The following NSG2 variants were observed in gnomAD, a reference collection of about 807,000 sequenced individuals.
NSG2 encodes the protein neuronal vesicle trafficking associated 2, also known as neuronal vesicle trafficking-associated protein 2.
NSG2 carries 4 observed loss-of-function variants against 16.9 expected under a neutral mutation model. The observed-to-expected ratio is 0.24, with a 90% confidence interval of 0.12 to 0.54. NSG2 has a LOEUF of 0.54. Ranked by LOEUF, NSG2 falls within the 20% of genes least tolerant of loss-of-function variation. The probability of loss-of-function intolerance (pLI) is 0.95; values close to 1 mark genes in which losing one functional copy is unlikely to be tolerated. For missense variants in NSG2, 179 were observed against 221.1 expected (o/e 0.81, Z 1.21); for synonymous variants, 98 against 88.7 (o/e 1.11, Z -0.59).
chr5:174,097,285 C>T (rs1222254569), intron 3 of NSG2, among the ~76,000 whole-genome samples: 15 of 152,102 alleles, frequency 9.9e-5, no homozygotes, highest in Admixed American at 9.8e-4. Flanking sequence ...AGCCCAAACC[C>T]TGATTCTCCT....
intron 3 of NSG2, among the ~76,000 whole-genome samples, chr5:174,088,407 C>T (rs1279614450): frequency 6.6e-6 from 1 of 152,168 alleles, no homozygotes; most frequent in Non-Finnish European, 1.5e-5. Flanking sequence ...TTCACAACAC[C>T]CCAAGGAAAC....
At chr5:174,104,398 GTCTTC>G in intron 4 of NSG2, 60 bp downstream of exon 4, 1 of 1,194,092 alleles carries the variant, frequency 8.4e-7, no homozygotes, top group Admixed American at 1.7e-5. Context: ...GTTGATCAAT[GTCTTC>G]TCTTCACTGG....
intron 2 of NSG2, among the ~76,000 whole-genome samples, chr5:174,060,323 A>T (rs1000607721): frequency 1.5e-4 from 23 of 152,182 alleles, no homozygotes; most frequent in African/African-American, 4.6e-4. Flanking sequence ...AAGGATGTTT[A>T]TAAAAATAGA....
intron 2 of NSG2, among the ~76,000 whole-genome samples, chr5:174,049,150 G>T (rs372207935): frequency 1.5e-4 from 23 of 151,926 alleles, no homozygotes; most frequent in South Asian, 6.2e-4. Context: ...CCATCCTGGC[G>T]AACACGGTGA....
chr5:174,101,374 T>G (rs1760893857), intron 3 of NSG2, among the ~76,000 whole-genome samples: 1 of 152,232 alleles, frequency 6.6e-6, no homozygotes, highest in African/African-American at 2.4e-5. Flanking sequence ...CATAATGTTG[T>G]GCAACCATCA....
At chr5:174,079,550 C>T (rs1325336041) in intron 3 of NSG2, among the ~76,000 whole-genome samples, 3 of 152,212 alleles carry the variant, frequency 2.0e-5, no homozygotes, top group Non-Finnish European at 2.9e-5. Context: ...GCCACCATGC[C>T]TGGCCATGCA....
intron 3 of NSG2, among the ~76,000 whole-genome samples, chr5:174,101,603 G>A (rs1009018805): frequency 6.6e-6 from 1 of 152,226 alleles, no homozygotes; most frequent in African/African-American, 2.4e-5. Flanking sequence ...TTGAAGGGCC[G>A]TCTGCATCTG....
chr5:174,097,639 GTGTT>G (rs1392403035), intron 3 of NSG2, among the ~76,000 whole-genome samples: 1 of 150,042 alleles, frequency 6.7e-6, no homozygotes, highest in Non-Finnish European at 1.5e-5. Flanking sequence ...CTCTGTGTGT[GTGTT>G]TCTCTCTCAG....
At chr5:174,078,467 A>G (rs1200602711) in intron 3 of NSG2, among the ~76,000 whole-genome samples, 1 of 152,196 alleles carries the variant, frequency 6.6e-6, no homozygotes, top group Non-Finnish European at 1.5e-5. Flanking sequence ...TAGACAGAGG[A>G]TGTTTCATCA....
Position 174,107,604 on chromosome 5 carries a change from T to TGGGGGC in NSG2, c.*110_*115dup, listed in dbSNP as rs1297984013. ...AAGACAACACTGTACTCCTGGGATA[T>TGGGGGC]GGGGGCGGGGGCGGGGCAGGGCAGG... is the stretch of plus-strand genomic sequence containing the variant. On this transcript the variant is annotated 3_prime_UTR_variant, in exon 5 of 5. Transcript: ENST00000303177. This position sits in a 1 kb window ranked among gnomAD's most constrained non-coding sequence, Gnocchi z 4.5. 5.4e-5 allele frequency: 18 copies of TGGGGGC among 330,616 alleles called. No homozygotes were observed. Among genetic ancestry groups the TGGGGGC allele is most frequent in the African/African-American group, 2.0e-4 (4 of 20,312 alleles). 20.5% of individuals were successfully genotyped at this position (330,616 alleles called of 1,614,324 possible). A position where few individuals can be genotyped will look rare whatever the true frequency, so the allele number is the denominator to read the frequency against.
In NSG2 at chr5:174,045,824, C is replaced by G. The variant is rs555224301; in HGVS notation, c.-42C>G. On this transcript the variant is annotated 5_prime_UTR_variant, in exon 1 of 5. Coordinates refer to ENST00000303177, the MANE Select transcript of NSG2 (RefSeq NM_015980.5). ...TCAAATTGGCTTGAATCTGCTCTGACCCCCCACGAGTGCAGCACAGTAAGT... is the reference window on the plus strand; with the variant it reads ...TCAAATTGGCTTGAATCTGCTCTGAGCCCCCACGAGTGCAGCACAGTAAGT... The G allele has an allele frequency of 1.1e-3, 164 of 152,526 alleles. 2 individuals carry two copies. Among genetic ancestry groups the G allele is most frequent in the African/African-American group, 3.8e-3 (160 of 41,572 alleles). 9.4% of individuals were successfully genotyped at this position (152,526 alleles called of 1,614,324 possible). A position where few individuals can be genotyped will look rare whatever the true frequency, so the allele number is the denominator to read the frequency against.
At position 174,097,795 on chromosome 5, in the gene NSG2, CTGTG is replaced by C. The variant is rs777589195; in HGVS notation, c.214-6423_214-6420del. Among the ~76,000 whole-genome samples, 10 of 144,822 alleles carry C rather than the reference CTGTG, an allele frequency of 6.9e-5. No individual in the cohort carries two copies. In the South Asian group the frequency reaches 1.1e-3, roughly 16 times the overall value. On this transcript the variant is annotated intron_variant, in intron 3 of 4. Coordinates refer to ENST00000303177, the MANE Select transcript of NSG2 (RefSeq NM_015980.5). ...TACCTTTCTCTCAGTGTGTGTGTCT[CTGTG>C]TGTGTGTGTAACTGTGTGTGTGAGT...
intron 2 of NSG2, among the ~76,000 whole-genome samples, chr5:174,049,115 G>A (rs565870269): frequency 3.3e-5 from 5 of 152,238 alleles, no homozygotes; most frequent in Admixed American, 1.3e-4. Context: ...TGAGGCGGGC[G>A]GATCACAAGG....
chr5:174,061,862 C>G (rs976330025), intron 2 of NSG2, among the ~76,000 whole-genome samples: 4 of 151,442 alleles, frequency 2.6e-5, no homozygotes, highest in Non-Finnish European at 5.9e-5. Context: ...CTCAGCCTCC[C>G]AAAGGGCTGG....
chr5:174,106,838 C>T (rs769569712), intron 4 of NSG2, among the ~76,000 whole-genome samples: 1 of 152,070 alleles, frequency 6.6e-6, no homozygotes, highest in Admixed American at 6.6e-5. Context: ...CATGATCTGC[C>T]TGCCTCAGCC....
intron 3 of NSG2, 62 bp downstream of exon 3, chr5:174,064,377 A>G: frequency 8.6e-7 from 1 of 1,161,924 alleles, no homozygotes; most frequent in Non-Finnish European, 1.3e-6. Flanking sequence ...CCAGCTCAGC[A>G]CACCTCGTGC....
At chr5:174,085,142 G>A (rs1024517459) in intron 3 of NSG2, among the ~76,000 whole-genome samples, 4 of 152,308 alleles carry the variant, frequency 2.6e-5, no homozygotes, top group Admixed American at 2.0e-4. Flanking sequence ...GGCTCTGTTG[G>A]TGACTCCATA....
intron 3 of NSG2, among the ~76,000 whole-genome samples, chr5:174,074,172 G>A (rs1760294642): frequency 2.0e-5 from 3 of 152,214 alleles, no homozygotes; most frequent in Admixed American, 6.5e-5. Context: ...ATGGGTTTGT[G>A]AACTGGAACA....
chr5:174,059,571 C>T (rs1760018125), intron 2 of NSG2, among the ~76,000 whole-genome samples: 1 of 152,152 alleles, frequency 6.6e-6, no homozygotes, highest in South Asian at 2.1e-4. Flanking sequence ...AGATAGAAAG[C>T]TTTTAGTTTC....
Sources: allele counts gnomAD v4.1 joint callset (sites outside exome capture counted in the v4.1 genomes callset), GRCh38; gene constraint gnomAD v4.1.1; non-coding constraint Gnocchi (gnomAD v3.1); transcripts MANE v1.5; gene names NCBI Gene and HGNC (gene_info 2026-07-23, HGNC 2026-07-21).